The following USPL1 variants were observed in gnomAD, a reference collection of about 807,000 sequenced individuals.
USPL1 encodes the protein ubiquitin specific peptidase like 1, also known as SUMO-specific isopeptidase USPL1.
A neutral mutation model predicts 51.5 loss-of-function variants in USPL1; 27 were observed. The ratio of observed to expected loss-of-function variants is 0.52; its 90% CI spans 0.39 to 0.72. The LOEUF (loss-of-function observed/expected upper bound fraction) is 0.72, where lower values mean the gene tolerates loss of function less well. Among genes scored for constraint, USPL1 ranks in the 30% least tolerant of loss-of-function variants. USPL1 has a pLI of 0.00. For missense variants in USPL1, 1,226 were observed against 1,268.0 expected (o/e 0.97, Z 0.50); for synonymous variants, 451 against 459.6 (o/e 0.98, Z 0.24).
At chr13:30,644,536 G>T (rs1269502456) in intron 6 of USPL1, among the ~76,000 whole-genome samples, 1 of 152,110 alleles carries the variant, frequency 6.6e-6, no homozygotes, top group Non-Finnish European at 1.5e-5. Context: ...AGTTATCATT[G>T]AAATTAACTG....
At position 30,658,844 on chromosome 13, in the gene USPL1, G is replaced by T. The variant is rs753075335; in HGVS notation, c.2767G>T (p.Val923Leu). Residue 923 changes from valine to leucine, a missense_variant, in exon 9 of 9, where the codon GTG becomes TTG. Val to Leu is a conservative substitution (Grantham distance 32). Transcript: ENST00000255304. ...RTVRSENLEQ[V>L]PQDGSPNDCE... ...AGTTCGAAGTGAAAATCTAGAACAG[G>T]TGCCCCAGGATGGGTCTCCAAATGA... 6.2e-7 allele frequency: 1 copy of T among 1,613,906 alleles called. No individual in the cohort carries two copies. The highest frequency in any genetic ancestry group is 1.1e-5 in the South Asian group (1 of 91,090).
chr13:30,634,831 T>C (rs1334842433), intron 4 of USPL1, among the ~76,000 whole-genome samples: 1 of 152,248 alleles, frequency 6.6e-6, no homozygotes, highest in East Asian at 1.9e-4. Context: ...GAGGTCTTCC[T>C]GATCCATATA....
chr13:30,649,526 ATGCCT>A (rs1951061266), intron 7 of USPL1, among the ~76,000 whole-genome samples: 1 of 152,234 alleles, frequency 6.6e-6, no homozygotes, highest in South Asian at 2.1e-4. Context: ...CAGGTGAATT[ATGCCT>A]AGCGGGCCCA....
At chr13:30,631,553 T>G in intron 4 of USPL1, 79 bp downstream of exon 4, 2 of 1,367,338 alleles carry the variant, frequency 1.5e-6, no homozygotes, top group Non-Finnish European at 2.0e-6. Context: ...CAGGCTGGAG[T>G]GCAGTGGCAT....
rs1385095350 is a variant in USPL1 at position 30,653,434 on chromosome 13, G to A, written c.1396+129G>A. On this transcript the variant is annotated intron_variant, in intron 8 of 8. Transcript: ENST00000255304. ...CCTGACTCTTTCTCTCTCCATTCTC[G>A]CCTTTGCCTTCTGCCCCTCCTCGCA... 25 of 943,618 alleles carry A rather than the reference G, an allele frequency of 2.6e-5. No homozygotes were observed. In the South Asian group the frequency reaches 3.4e-4, roughly 13 times the overall value. 58.5% of individuals were successfully genotyped at this position (943,618 alleles called of 1,614,324 possible).
intron 5 of USPL1, among the ~76,000 whole-genome samples, chr13:30,639,287 G>A (rs1485534058): frequency 1.3e-4 from 19 of 150,334 alleles, no homozygotes; most frequent in Admixed American, 6.6e-5. Context: ...TATATATATC[G>A]GGAAGCATGG....
chr13:30,646,891 G>T, intron 6 of USPL1, 41 bp from the exon 7 acceptor site: 2 of 1,576,594 alleles, frequency 1.3e-6, no homozygotes, highest in East Asian at 2.3e-5. Context: ...TAATGTAAAT[G>T]CATTTAACGT....
Position 30,659,398 on chromosome 13 carries a change from T to G in USPL1, c.*42T>G, listed in dbSNP as rs773591650. 4 of 1,430,858 alleles carry G rather than the reference T, an allele frequency of 2.8e-6. No individual in the cohort carries two copies. Among genetic ancestry groups the G allele is most frequent in the Non-Finnish European group, 3.7e-6 (4 of 1,077,498 alleles). The allele number at this position is 1,430,858 out of a possible 1,614,324, so 88.6% of individuals were successfully genotyped here. On this transcript the variant is annotated 3_prime_UTR_variant, in exon 9 of 9. Coordinates refer to ENST00000255304, the MANE Select transcript of USPL1 (RefSeq NM_005800.5). Reference sequence around the variant, plus strand: ...TTTTTTCATATAATATTTATTATTATTAGAAGAACTTACAATGTGTTCAGG... The same window carrying G: ...TTTTTTCATATAATATTTATTATTAGTAGAAGAACTTACAATGTGTTCAGG...
chr13:30,628,527 A>G (rs753664610), intron 3 of USPL1, among the ~76,000 whole-genome samples: 3 of 151,952 alleles, frequency 2.0e-5, no homozygotes, highest in Non-Finnish European at 4.4e-5. Context: ...TCCTAATGCT[A>G]TCCCTCCCCT....
intron 8 of USPL1, among the ~76,000 whole-genome samples, chr13:30,654,345 TTCTC>T (rs375597268): frequency 2.1e-4 from 31 of 149,970 alleles, no homozygotes; most frequent in African/African-American, 5.1e-4. Flanking sequence ...CTCTCTCTCA[TTCTC>T]TCTCTCTCTC....
Position 30,648,767 on chromosome 13 carries a change from G to T in USPL1, c.1238+1710G>T, listed in dbSNP as rs576333069. On this transcript the variant is annotated intron_variant, in intron 7 of 8. Transcript: ENST00000255304. ...TTGTGTAGGAGGGCGAAGTGGGAAGGAAGAGGAGGTGTCTGTATCTGTCTG... is the reference window on the plus strand; with the variant it reads ...TTGTGTAGGAGGGCGAAGTGGGAAGTAAGAGGAGGTGTCTGTATCTGTCTG... 1.5e-4 allele frequency among the ~76,000 whole-genome samples: 23 copies of T among 152,296 alleles called. No homozygotes were observed. In the South Asian group the frequency reaches 4.4e-3, roughly 29 times the overall value.
At chr13:30,653,390 A>T (rs1184693354) in intron 8 of USPL1, 85 bp downstream of exon 8, 3 of 1,333,908 alleles carry the variant, frequency 2.2e-6, no homozygotes, top group Admixed American at 2.5e-5. Context: ...TTTGTTTTAT[A>T]AAAAAAGACA....
chr13:30,645,920 A>T (rs918849342), intron 6 of USPL1, among the ~76,000 whole-genome samples: 3 of 151,832 alleles, frequency 2.0e-5, no homozygotes, highest in African/African-American at 7.2e-5. Flanking sequence ...GTCAGATGTC[A>T]TGTGGAGAAT....
At position 30,657,454 on chromosome 13, in the gene USPL1, ACTT is replaced by A. The variant is rs1223484264; in HGVS notation, c.1397-16_1397-14del. On this transcript the variant is annotated splice_polypyrimidine_tract_variant and intron_variant, in intron 8 of 8. Coordinates refer to ENST00000255304, the MANE Select transcript of USPL1 (RefSeq NM_005800.5). ...GGTGGTTTTTGAATATCTAACTTTC[ACTT>A]CTTTCCCATCTTCCAGGAAGTTGGC... 2 of 1,555,762 alleles carry A rather than the reference ACTT, an allele frequency of 1.3e-6. No homozygotes were observed. The highest frequency in any genetic ancestry group is 4.5e-5 in the East Asian group (2 of 44,558).
At chr13:30,645,110 T>A (rs1951000680) in intron 6 of USPL1, among the ~76,000 whole-genome samples, 1 of 152,318 alleles carries the variant, frequency 6.6e-6, no homozygotes, top group African/African-American at 2.4e-5. Context: ...ACACTTAGGC[T>A]CTTCTGGCCT....
At chr13:30,645,663 G>T (rs1389642445) in intron 6 of USPL1, among the ~76,000 whole-genome samples, 1 of 152,154 alleles carries the variant, frequency 6.6e-6, no homozygotes, top group East Asian at 1.9e-4. Context: ...AAATTCCTTT[G>T]TTTTTGTGAA....
At chr13:30,638,737 A>C (rs1950907928) in intron 5 of USPL1, among the ~76,000 whole-genome samples, 1 of 151,372 alleles carries the variant, frequency 6.6e-6, no homozygotes, top group African/African-American at 2.4e-5. Context: ...AGTGCCTTCT[A>C]GTTTTTCTCT....
Position 30,658,598 on chromosome 13 carries a change from CA to C in USPL1, c.2522del (p.His841ProfsTer50). ...GPPSSNGTAA[H>X]PHAHAASEVL... ...TCCATCGTCTAATGGCACAGCTGCC[CA>C]CCCACATGCTCATGCTGCTTCAGAA... is the stretch of plus-strand genomic sequence containing the variant. On this transcript the variant is annotated frameshift_variant, in exon 9 of 9. Coordinates refer to ENST00000255304, the MANE Select transcript of USPL1 (RefSeq NM_005800.5). LOFTEE classifies it low-confidence loss of function (END_TRUNC). 2 of 1,614,202 alleles carry C rather than the reference CA, an allele frequency of 1.2e-6. No individual in the cohort carries two copies. The highest frequency in any genetic ancestry group is 1.7e-6 in the Non-Finnish European group (2 of 1,180,040).
chr13:30,648,331 G>A (rs757503908), intron 7 of USPL1, among the ~76,000 whole-genome samples: 2 of 152,088 alleles, frequency 1.3e-5, no homozygotes, highest in Non-Finnish European at 2.9e-5. Flanking sequence ...TTTTTACTCT[G>A]TTCCTCTCCC....
Sources: gnomAD v4.1 joint callset for allele counts (sites outside exome capture counted in the v4.1 genomes callset) on GRCh38, gnomAD v4.1.1 for gene constraint, MANE v1.5 for transcripts, NCBI Gene and HGNC (gene_info 2026-07-23, HGNC 2026-07-21) for gene names.